The following UGGT2 variants were observed in gnomAD, a reference collection of about 807,000 sequenced individuals.
The protein encoded by UGGT2 is UDP-glucose glycoprotein glucosyltransferase 2.
Under a neutral mutation model 192.1 loss-of-function variants are expected in UGGT2, and 180 were observed. That is an observed-to-expected ratio of 0.94 (90% confidence interval 0.83 to 1.06). The LOEUF (loss-of-function observed/expected upper bound fraction) is 1.06, where lower values mean the gene tolerates loss of function less well. Among genes scored for constraint, UGGT2 ranks in the 50% least tolerant of loss-of-function variants. UGGT2 has a pLI of 0.00. For synonymous variants in UGGT2, 580 were observed against 591.0 expected (o/e 0.98, Z 0.27); for missense variants, 1,849 against 1,795.7 (o/e 1.03, Z -0.54).
intron 10 of UGGT2, among the ~76,000 whole-genome samples, 185 bp from the exon 11 acceptor site, chr13:95,972,856 A>C (rs2050818609): frequency 6.6e-6 from 1 of 152,210 alleles, no homozygotes; most frequent in African/African-American, 2.4e-5. Context: ...ACAAATGGAC[A>C]TTGCAATGTT....
At chr13:96,036,427 C>G (rs1203535043) in intron 1 of UGGT2, among the ~76,000 whole-genome samples, 1 of 152,004 alleles carries the variant, frequency 6.6e-6, no homozygotes, top group Non-Finnish European at 1.5e-5. Context: ...ACGGAGAGCA[C>G]CAAGAAGAAA....
intron 20 of UGGT2, among the ~76,000 whole-genome samples, chr13:95,914,184 C>G (rs140854286): frequency 4.0e-5 from 6 of 150,998 alleles, no homozygotes; most frequent in African/African-American, 1.5e-4. Flanking sequence ...CATCATGGCA[C>G]ATATATACCT....
At chr13:95,802,916 C>A (rs555564977) in intron 38 of UGGT2, among the ~76,000 whole-genome samples, 4 of 152,286 alleles carry the variant, frequency 2.6e-5, no homozygotes, top group African/African-American at 9.6e-5. Context: ...TCACTGCAAG[C>A]TCCGCCTCCT....
intron 2 of UGGT2, among the ~76,000 whole-genome samples, chr13:96,031,672 T>C (rs972540921): frequency 6.6e-5 from 10 of 152,126 alleles, no homozygotes; most frequent in African/African-American, 2.2e-4. Context: ...ACATGACTAA[T>C]TATATGAGGT....
chr13:96,012,240 G>A, intron 5 of UGGT2, among the ~76,000 whole-genome samples: 1 of 151,708 alleles, frequency 6.6e-6, no homozygotes, highest in Non-Finnish European at 1.5e-5. Flanking sequence ...TTTTTCATAT[G>A]GAAAAAACAG....
chr13:96,042,865 T>C (rs894469937), intron 1 of UGGT2, among the ~76,000 whole-genome samples: 1 of 151,994 alleles, frequency 6.6e-6, no homozygotes, highest in African/African-American at 2.4e-5. Flanking sequence ...TCTGGGATTA[T>C]GTTAAATGAC....
chr13:95,948,202 T>A, intron 13 of UGGT2, 121 bp from the exon 14 acceptor site: 2 of 604,306 alleles, frequency 3.3e-6, no homozygotes, highest in Non-Finnish European at 5.7e-6. Context: ...AAAGAAATTC[T>A]AGCAATTCTA....
At chr13:95,939,306 A>G (rs1237544112) in intron 16 of UGGT2, among the ~76,000 whole-genome samples, 3 of 152,188 alleles carry the variant, frequency 2.0e-5, no homozygotes, top group Non-Finnish European at 2.9e-5. Context: ...TTCTGCTTAA[A>G]TATCACTTCT....
chr13:95,876,801 G>A (rs1001647982), intron 29 of UGGT2: 1 of 147,968 alleles, frequency 6.8e-6, no homozygotes, highest in Admixed American at 6.8e-5. Flanking sequence ...TCAAATTGAT[G>A]TTTCTGCATG....
chr13:95,974,669 G>C lies in UGGT2; in HGVS notation c.1093-1998C>G, dbSNP rs181697367. On this transcript the variant is annotated intron_variant, in intron 10 of 38. Transcript: ENST00000376747. ...AGTCCTGAAAAACTAGTGTATATTT[G>C]AGTATGTAATTTAAGGTGGCCTTTC... 1.3e-3 allele frequency among the ~76,000 whole-genome samples: 195 copies of C among 152,308 alleles called. 2 individuals are homozygous for C. The highest frequency in any genetic ancestry group is 3.4e-4 in the Non-Finnish European group (23 of 68,034).
chr13:96,018,844 T>G (rs1018688703), intron 4 of UGGT2, among the ~76,000 whole-genome samples: 1 of 145,528 alleles, frequency 6.9e-6, no homozygotes, highest in African/African-American at 2.5e-5. Context: ...GCAGAAAAAA[T>G]TTATCAGTCA....
Position 95,972,687 on chromosome 13 carries a change from A to C in UGGT2, c.1093-16T>G. The stretch of plus-strand genomic sequence containing the variant: ...CTTGAAGATCCTTGAAGTAGAGCAA[A>C]GCAATAGTTAACCAGTGATAGAACA... On this transcript the variant is annotated splice_polypyrimidine_tract_variant and intron_variant, in intron 10 of 38. Transcript: ENST00000376747. 1.9e-6 allele frequency: 3 copies of C among 1,591,146 alleles called. No homozygotes were observed. Among genetic ancestry groups the C allele is most frequent in the Non-Finnish European group, 2.6e-6 (3 of 1,160,006 alleles).
At chr13:95,895,144 C>T (rs1246678198) in intron 23 of UGGT2, 36 bp downstream of exon 23, 1 of 1,542,468 alleles carries the variant, frequency 6.5e-7, no homozygotes, top group Admixed American at 2.4e-5. Flanking sequence ...AAATACCAAA[C>T]CCAAAATGAA....
chr13:95,950,595 G>GAAA (rs11452928), intron 12 of UGGT2, among the ~76,000 whole-genome samples: 4 of 130,988 alleles, frequency 3.1e-5, no homozygotes, highest in African/African-American at 5.7e-5. Context: ...AATGAAACAG[G>GAAA]AAAAAAAAAA....
Position 96,010,731 on chromosome 13 carries a change from C to G in UGGT2, c.660+2576G>C, listed in dbSNP as rs185662394. Among the ~76,000 whole-genome samples the G allele has an allele frequency of 1.6e-4, 25 of 152,242 alleles. 1 individual carries two copies. The East Asian group carries it at 4.6e-3, about 28-fold the overall frequency. Reference sequence around the variant, plus strand: ...TTTATATGTTCAATGTAATCTCAATCAAAATGCCAGCAAAATGTTTTGTAG... The same window carrying G: ...TTTATATGTTCAATGTAATCTCAATGAAAATGCCAGCAAAATGTTTTGTAG... On this transcript the variant is annotated intron_variant, in intron 5 of 38. Coordinates refer to ENST00000376747, the MANE Select transcript of UGGT2 (RefSeq NM_020121.4).
At chr13:96,010,447 T>C (rs577524855) in intron 5 of UGGT2, among the ~76,000 whole-genome samples, 434 of 152,214 alleles carry the variant, frequency 2.9e-3, no homozygotes, top group Admixed American at 4.5e-3. Flanking sequence ...TCCTCTAATA[T>C]GACAGTTAAT....
chr13:95,823,463 A>G (rs915746289), intron 38 of UGGT2, among the ~76,000 whole-genome samples: 4 of 152,034 alleles, frequency 2.6e-5, no homozygotes, highest in Admixed American at 6.6e-5. Context: ...GTGCATATAA[A>G]TTTAGTATTA....
At chr13:96,046,487 G>A (rs139471208) in intron 1 of UGGT2, among the ~76,000 whole-genome samples, 1 of 152,256 alleles carries the variant, frequency 6.6e-6, no homozygotes, top group African/African-American at 2.4e-5. Context: ...AAATAGGAGA[G>A]AGGTTCCAAG....
chr13:95,839,063 ACAAAGT>A, intron 36 of UGGT2, among the ~76,000 whole-genome samples: 1 of 152,120 alleles, frequency 6.6e-6, no homozygotes, highest in African/African-American at 2.4e-5. Flanking sequence ...TACTTTCTTG[ACAAAGT>A]CATAGTCCTG....
Sources: gnomAD v4.1 joint callset for allele counts (sites outside exome capture counted in the v4.1 genomes callset) on GRCh38, gnomAD v4.1.1 for gene constraint, MANE v1.5 for transcripts, NCBI Gene and HGNC (gene_info 2026-07-23, HGNC 2026-07-21) for gene names.